PDZRN3: variants seen among roughly 807,000 people sequenced by gnomAD.
PDZRN3 encodes the protein PDZ domain containing ring finger 3, also known as E3 ubiquitin-protein ligase PDZRN3.
PDZRN3 carries 38 observed loss-of-function variants against 85.7 expected under a neutral mutation model. That is an observed-to-expected ratio of 0.44 (90% CI 0.34 to 0.58). The LOEUF (loss-of-function observed/expected upper bound fraction) is 0.58, where lower values mean the gene tolerates loss of function less well. Ranked by LOEUF, PDZRN3 falls within the 20% of genes least tolerant of loss-of-function variation. The pLI, the probability that PDZRN3 is intolerant of heterozygous loss-of-function variation, is 0.01. For synonymous variants in PDZRN3, 759 were observed against 638.0 expected (o/e 1.19, Z -2.86); for missense variants, 1,629 against 1,506.4 (o/e 1.08, Z -1.35).
intron 3 of PDZRN3, among the ~76,000 whole-genome samples, chr3:73,498,537 T>G (rs1026655939): frequency 3.3e-5 from 5 of 152,122 alleles, no homozygotes; most frequent in Non-Finnish European, 5.9e-5. Context: ...GCTACCTTTT[T>G]GTGCTAGCAG....
rs544616512 is a variant in PDZRN3 at position 73,594,479 on chromosome 3, A to G, written c.918+7875T>C. The stretch of plus-strand genomic sequence containing the variant: ...ACTTAATTGCAAAAATCCTTTACCT[A>G]CATTGTTTCCTTGGTCCACCCAGAT... On this transcript the variant is annotated intron_variant, in intron 3 of 9. Coordinates refer to ENST00000263666, the MANE Select transcript of PDZRN3 (RefSeq NM_015009.3). Among the ~76,000 whole-genome samples the G allele has an allele frequency of 3.9e-5, 6 of 152,320 alleles. No individual in the cohort carries two copies. The East Asian group carries it at 1.2e-3, about 29-fold the overall frequency.
In PDZRN3 at chr3:73,593,781, G is replaced by T. The variant is rs1702395342; in HGVS notation, c.918+8573C>A. Reference sequence around the variant, plus strand: ...TGGAGAACTCCAACATTACAGAAATGTGGCTTTACTTAAAGTTCCCCATAA... The same window carrying T: ...TGGAGAACTCCAACATTACAGAAATTTGGCTTTACTTAAAGTTCCCCATAA... On this transcript the variant is annotated intron_variant, in intron 3 of 9. Coordinates refer to ENST00000263666, the MANE Select transcript of PDZRN3 (RefSeq NM_015009.3). Among the ~76,000 whole-genome samples, 3 of 149,248 alleles carry T rather than the reference G, an allele frequency of 2.0e-5. No individual in the cohort carries two copies. In the South Asian group the frequency reaches 6.4e-4, roughly 32 times the overall value.
In PDZRN3 at chr3:73,427,511, A is replaced by C. The variant is rs186197144; in HGVS notation, c.919-23116T>G. On this transcript the variant is annotated intron_variant, in intron 3 of 9. Transcript: ENST00000263666. ...GAACACAAGAGAACTCATTTATTAAAGCTGGATTTTTTCACTATTCCATAT... is the reference window on the plus strand; with the variant it reads ...GAACACAAGAGAACTCATTTATTAACGCTGGATTTTTTCACTATTCCATAT... Among the ~76,000 whole-genome samples, 204 of 152,286 alleles carry C rather than the reference A, an allele frequency of 1.3e-3. 4 individuals are homozygous for C. The highest frequency in any genetic ancestry group is 4.7e-3 in the African/African-American group (197 of 41,556).
chr3:73,572,224 C>T (rs1016002948), intron 3 of PDZRN3, among the ~76,000 whole-genome samples: 4 of 152,112 alleles, frequency 2.6e-5, no homozygotes, highest in African/African-American at 9.7e-5. Flanking sequence ...TAAGTTTTGA[C>T]CCATTTAATG....
At chr3:73,572,572 C>T (rs938039934) in intron 3 of PDZRN3, among the ~76,000 whole-genome samples, 1 of 152,178 alleles carries the variant, frequency 6.6e-6, no homozygotes, top group African/African-American at 2.4e-5. Context: ...ACTGTACATT[C>T]CGGCTGTCAG....
intron 3 of PDZRN3, among the ~76,000 whole-genome samples, chr3:73,432,387 G>A (rs1363783286): frequency 6.6e-6 from 1 of 152,232 alleles, no homozygotes; most frequent in Non-Finnish European, 1.5e-5. Context: ...GGTCGGAAAT[G>A]TATTTATTCA....
chr3:73,562,704 C>G (rs1052368322), intron 3 of PDZRN3, among the ~76,000 whole-genome samples: 2 of 151,868 alleles, frequency 1.3e-5, no homozygotes, highest in African/African-American at 2.4e-5. Flanking sequence ...CATCAAAGCC[C>G]GAATAGAGAG....
chr3:73,481,420 C>T (rs1008827147), intron 3 of PDZRN3, among the ~76,000 whole-genome samples: 1 of 151,766 alleles, frequency 6.6e-6, no homozygotes, highest in Non-Finnish European at 1.5e-5. Flanking sequence ...CTCGGCTCAC[C>T]GCAAGGTTCA....
At chr3:73,470,061 T>C (rs555251822) in intron 3 of PDZRN3, among the ~76,000 whole-genome samples, 2 of 152,318 alleles carry the variant, frequency 1.3e-5, no homozygotes, top group South Asian at 2.1e-4. Context: ...TAAATGTTCC[T>C]TGGGGGCAAA....
intron 3 of PDZRN3, among the ~76,000 whole-genome samples, chr3:73,574,831 C>T (rs184202761): frequency 6.6e-6 from 1 of 152,224 alleles, no homozygotes; most frequent in Non-Finnish European, 1.5e-5. Context: ...AACTTCCCCC[C>T]TCATCTAGCC....
chr3:73,566,506 G>T (rs1701952813), intron 3 of PDZRN3, among the ~76,000 whole-genome samples: 1 of 152,166 alleles, frequency 6.6e-6, no homozygotes, highest in Non-Finnish European at 1.5e-5. Flanking sequence ...CATTATTTGA[G>T]AGTAAGAAAA....
At chr3:73,521,665 T>A (rs1409845954) in intron 3 of PDZRN3, among the ~76,000 whole-genome samples, 2 of 152,198 alleles carry the variant, frequency 1.3e-5, no homozygotes, top group African/African-American at 4.8e-5. Context: ...GCATTTTGCA[T>A]ACTGCGTTGT....
chr3:73,384,868 C>G lies in PDZRN3; in HGVS notation c.1698G>C (p.Glu566Asp). 6.2e-7 allele frequency: 1 copy of G among 1,613,964 alleles called. No homozygotes were observed. The highest frequency in any genetic ancestry group is 1.1e-5 in the South Asian group (1 of 91,060). The change falls in exon 10 of 10, where the codon GAG becomes GAC. Residue 566 changes from glutamate to aspartate, a missense_variant. Physicochemically the swap from Glu to Asp is conservative, Grantham distance 45. Transcript: ENST00000263666. ...CGGTCCGCCCCACACCGCTGTCCTT[C>G]TCGTGCTGGTTGGACAAGATGGTGG... The part of the protein sequence containing the change: ...DTATILSNQH[E>D]KDSGVGRTDE...
intron 3 of PDZRN3, among the ~76,000 whole-genome samples, chr3:73,583,576 G>A (rs1250456927): frequency 6.6e-6 from 1 of 151,980 alleles, no homozygotes; most frequent in Non-Finnish European, 1.5e-5. Flanking sequence ...CTCTGCCAAG[G>A]AAACATGGCA....
intron 3 of PDZRN3, among the ~76,000 whole-genome samples, chr3:73,420,004 C>T (rs1444723456): frequency 2.6e-5 from 4 of 152,222 alleles, no homozygotes; most frequent in African/African-American, 7.2e-5. Context: ...TCATACTTTC[C>T]TAAGTGTTTT....
intron 3 of PDZRN3, among the ~76,000 whole-genome samples, chr3:73,570,871 A>T (rs1702035542): frequency 1.3e-5 from 2 of 152,190 alleles, no homozygotes. Context: ...AAGTCTCTTA[A>T]GGTATTAGTT....
intron 2 of PDZRN3, among the ~76,000 whole-genome samples, chr3:73,603,870 A>AACACACACACACACAC (rs71625943): frequency 9.1e-6 from 1 of 110,308 alleles, no homozygotes; most frequent in African/African-American, 3.1e-5. Context: ...CACTTCCCCA[A>AACACACACACACACAC]ACACACACAC....
At position 73,458,966 on chromosome 3, in the gene PDZRN3, C is replaced by T. The variant is rs141366916; in HGVS notation, c.919-54571G>A. Reference sequence around the variant, plus strand: ...AAGATTGCACCACTGCACTCCAGCCCGGGCAACAGAGCAAAACTCCATCTC... The same window carrying T: ...AAGATTGCACCACTGCACTCCAGCCTGGGCAACAGAGCAAAACTCCATCTC... On this transcript the variant is annotated intron_variant, in intron 3 of 9. Transcript: ENST00000263666. Among the ~76,000 whole-genome samples the T allele has an allele frequency of 7.1e-3, 1,015 of 143,200 alleles. 39 individuals are homozygous for T. The highest frequency in any genetic ancestry group is 0.046 in the East Asian group (227 of 4,888). The allele number at this position is 143,200 out of a possible 152,430, so 93.9% of individuals were successfully genotyped here.
intron 3 of PDZRN3, among the ~76,000 whole-genome samples, chr3:73,491,414 G>C (rs1006786317): frequency 6.6e-6 from 1 of 152,024 alleles, no homozygotes; most frequent in Non-Finnish European, 1.5e-5. Flanking sequence ...CTGCTTCTTG[G>C]AGCCCATTTC....
Sources: gnomAD v4.1 joint callset for allele counts (sites outside exome capture counted in the v4.1 genomes callset) on GRCh38, gnomAD v4.1.1 for gene constraint, MANE v1.5 for transcripts, NCBI Gene and HGNC (gene_info 2026-07-23, HGNC 2026-07-21) for gene names.